The following TTC28 variants were observed in gnomAD, a reference collection of about 807,000 sequenced individuals.
TTC28 encodes tetratricopeptide repeat protein 28.
Under a neutral mutation model 198.0 loss-of-function variants are expected in TTC28, and 61 were observed. The observed-to-expected ratio is 0.31, with a 90% CI of 0.25 to 0.38. The LOEUF (loss-of-function observed/expected upper bound fraction) is 0.38. Among genes scored for constraint, TTC28 ranks in the 10% least tolerant of loss-of-function variants. The pLI is 1.00. For missense variants in TTC28, 2,678 were observed against 3,164.0 expected (o/e 0.85, Z 3.69); for synonymous variants, 1,171 against 1,297.8 (o/e 0.90, Z 2.10).
chr22:28,412,944 T>C (rs1258541425), intron 2 of TTC28, among the ~76,000 whole-genome samples: 1 of 152,250 alleles, frequency 6.6e-6, no homozygotes, highest in Non-Finnish European at 1.5e-5. Flanking sequence ...CTCACACTAA[T>C]ACAATCTATG....
chr22:28,236,816 C>A (rs904236298), intron 5 of TTC28, among the ~76,000 whole-genome samples: 1 of 152,084 alleles, frequency 6.6e-6, no homozygotes, highest in Admixed American at 6.6e-5. Context: ...CTTCTGAAGC[C>A]ACAGGTTCAA....
chr22:28,125,526 T>C (rs1313163406), intron 6 of TTC28, among the ~76,000 whole-genome samples: 1 of 152,178 alleles, frequency 6.6e-6, no homozygotes, highest in East Asian at 1.9e-4. Flanking sequence ...CTCACTGTAA[T>C]TACCACCAAT....
At chr22:27,988,260 C>G (rs2146510215) in intron 21 of TTC28, among the ~76,000 whole-genome samples, 1 of 151,214 alleles carries the variant, frequency 6.6e-6, no homozygotes, top group South Asian at 2.1e-4. Flanking sequence ...GACAGTGGGA[C>G]CCCGAGCGAG....
chr22:28,272,057 A>AATT (rs1569232730), intron 5 of TTC28, among the ~76,000 whole-genome samples: 5 of 152,166 alleles, frequency 3.3e-5, no homozygotes, highest in African/African-American at 1.2e-4. Context: ...TTTCTTTATA[A>AATT]ATTACCCACT....
chr22:28,460,806 C>G (rs1420636397), intron 2 of TTC28, among the ~76,000 whole-genome samples: 1 of 152,090 alleles, frequency 6.6e-6, no homozygotes, highest in African/African-American at 2.4e-5. Flanking sequence ...GCCTCAGCCT[C>G]CTGAGTGGCT....
chr22:28,064,685 G>C (rs1940685524), intron 12 of TTC28, among the ~76,000 whole-genome samples: 1 of 152,050 alleles, frequency 6.6e-6, no homozygotes, highest in Non-Finnish European at 1.5e-5. Flanking sequence ...TTCAGCATCA[G>C]CTCTACATTC....
intron 5 of TTC28, among the ~76,000 whole-genome samples, chr22:28,262,814 T>C (rs1027383212): frequency 6.6e-6 from 1 of 151,958 alleles, no homozygotes; most frequent in African/African-American, 2.4e-5. Context: ...GGGCTTTCCT[T>C]ATGGGGAGAG....
At chr22:28,328,520 G>A (rs1204523779) in intron 2 of TTC28, among the ~76,000 whole-genome samples, 3 of 151,862 alleles carry the variant, frequency 2.0e-5, no homozygotes, top group African/African-American at 4.8e-5. Context: ...CTGGGAGGCC[G>A]AGGCGGGTGG....
intron 2 of TTC28, among the ~76,000 whole-genome samples, chr22:28,414,472 G>A (rs1317874705): frequency 2.0e-5 from 3 of 152,148 alleles, no homozygotes. Context: ...AGTCAGTTCT[G>A]AGTTGAAAAC....
chr22:28,458,022 T>C (rs2146269226), intron 2 of TTC28, among the ~76,000 whole-genome samples: 1 of 152,222 alleles, frequency 6.6e-6, no homozygotes, highest in Middle Eastern at 3.6e-3. Context: ...GTATCTTTTT[T>C]CCATTTTATT....
chr22:28,551,749 C>T (rs5762684), intron 2 of TTC28, among the ~76,000 whole-genome samples: 4 of 152,130 alleles, frequency 2.6e-5, no homozygotes, highest in Non-Finnish European at 5.9e-5. Context: ...AAGCCATCTT[C>T]GACAAACCCA....
intron 2 of TTC28, among the ~76,000 whole-genome samples, chr22:28,388,519 C>G (rs538376244): frequency 1.3e-5 from 2 of 152,180 alleles, no homozygotes; most frequent in African/African-American, 4.8e-5. Context: ...CTTTTATTTC[C>G]TTGAGCAGTG....
chr22:28,096,463 AGGCCTATCAGGGAC>A, intron 10 of TTC28, 55 bp from the exon 11 acceptor site: 1 of 1,527,444 alleles, frequency 6.5e-7, no homozygotes, highest in Non-Finnish European at 8.8e-7. Flanking sequence ...TTACTTAGAG[AGGCCTATCAGGGAC>A]GGCCATCAAA....
chr22:28,454,572 C>T (rs2047830006), intron 2 of TTC28, among the ~76,000 whole-genome samples: 1 of 152,110 alleles, frequency 6.6e-6, no homozygotes, highest in Non-Finnish European at 1.5e-5. Flanking sequence ...AAATATGTTT[C>T]TGAAAAGTAA....
intron 2 of TTC28, among the ~76,000 whole-genome samples, chr22:28,501,065 C>A (rs1226218075): frequency 6.6e-6 from 1 of 152,096 alleles, no homozygotes; most frequent in Non-Finnish European, 1.5e-5. Context: ...CTTTCTAAAG[C>A]TTGAGAAAAA....
intron 2 of TTC28, among the ~76,000 whole-genome samples, chr22:28,363,399 G>A (rs184212190): frequency 1.2e-3 from 188 of 152,334 alleles, no homozygotes; most frequent in Non-Finnish European, 1.4e-3. Context: ...AGGATATATG[G>A]AAACACCTGG....
intron 6 of TTC28, among the ~76,000 whole-genome samples, chr22:28,144,044 GA>G (rs768024942): frequency 8.5e-5 from 13 of 152,296 alleles, no homozygotes; most frequent in Non-Finnish European, 1.3e-4. Flanking sequence ...CTCCAAGGCA[GA>G]AGGAAGTTTC....
chr22:28,631,759 C>T (rs1048408636), intron 1 of TTC28, among the ~76,000 whole-genome samples: 2 of 152,112 alleles, frequency 1.3e-5, no homozygotes, highest in African/African-American at 4.8e-5. Context: ...CTCCTGGGTC[C>T]AAGCAATACT....
chr22:28,336,221 T>C (rs1241546053), intron 2 of TTC28, among the ~76,000 whole-genome samples: 1 of 152,246 alleles, frequency 6.6e-6, no homozygotes, highest in Non-Finnish European at 1.5e-5. Flanking sequence ...CTTGTTGATG[T>C]GCTGCTGGAT....
Sources: gnomAD v4.1 joint callset for allele counts (sites outside exome capture counted in the v4.1 genomes callset) on GRCh38, gnomAD v4.1.1 for gene constraint, MANE v1.5 for transcripts, NCBI Gene and HGNC (gene_info 2026-07-23, HGNC 2026-07-21) for gene names.